RBPMS2: variants seen among roughly 807,000 people sequenced by gnomAD.
RBPMS2 encodes RNA-binding protein with multiple splicing 2.
RBPMS2 carries 14 observed loss-of-function variants against 25.7 expected under a neutral mutation model. The observed-to-expected ratio is 0.55, with a 90% CI of 0.36 to 0.85. The LOEUF is 0.85. RBPMS2 is among the 40% of genes least tolerant of loss of function. The pLI is 0.01. For missense variants in RBPMS2, 252 were observed against 283.4 expected (o/e 0.89, Z 0.80); for synonymous variants, 127 against 115.6 (o/e 1.10, Z -0.63).
chr15:64,768,493 C>T (rs954958697), intron 1 of RBPMS2, among the ~76,000 whole-genome samples: 1 of 151,988 alleles, frequency 6.6e-6, no homozygotes, highest in Non-Finnish European at 1.5e-5. Context: ...CAAAACTTAG[C>T]CAGGTGTGGT....
chr15:64,745,724 T>TAGA (rs2083612639), intron 6 of RBPMS2, among the ~76,000 whole-genome samples: 1 of 152,150 alleles, frequency 6.6e-6, no homozygotes, highest in Non-Finnish European at 1.5e-5. Flanking sequence ...TCAAGAGGGT[T>TAGA]AGAAGGCCAG....
chr15:64,770,344 T>C lies in RBPMS2; in HGVS notation c.87+4889A>G, dbSNP rs567899329. ...ACTTAATAGCTACATGAAAGTTATT[T>C]AACCTCTCTGTGCCTCACTTTCCTC... On this transcript the variant is annotated intron_variant, in intron 1 of 7. Transcript: ENST00000300069. 3.9e-5 allele frequency among the ~76,000 whole-genome samples: 6 copies of C among 152,332 alleles called. No individual in the cohort carries two copies. In the South Asian group the frequency reaches 1.0e-3, roughly 26 times the overall value.
rs962877154 is a variant in RBPMS2 at position 64,775,244 on chromosome 15, G to A, written c.76C>T (p.Leu26=). 1.9e-5 allele frequency: 25 copies of A among 1,308,794 alleles called. No homozygotes were observed. The highest frequency in any genetic ancestry group is 2.3e-5 in the Non-Finnish European group (24 of 1,024,820). The allele number at this position is 1,308,794 out of a possible 1,614,324, so 81.1% of individuals were successfully genotyped here. Residue 26 remains leucine (L), a synonymous_variant, in exon 1 of 8, where the codon CTG becomes TTG. Coordinates refer to ENST00000300069, the MANE Select transcript of RBPMS2 (RefSeq NM_194272.3). ...TGSGAGSGGA[L]EEEVRTLFVS... ...GGCCACAGACCCACCTCCTCCTCCA[G>A]GGCGCCGCCGGAGCCCGCGCCGGAG... is the stretch of plus-strand genomic sequence containing the variant.
chr15:64,750,461 C>T, intron 2 of RBPMS2, 80 bp from the exon 3 acceptor site: 1 of 1,217,660 alleles, frequency 8.2e-7, no homozygotes, highest in Non-Finnish European at 1.2e-6. Flanking sequence ...TCATCAGCCC[C>T]CGCGTTCCCC....
rs1345335228 is a variant in RBPMS2, at chr15:64,751,642, G to A, written c.88-4C>T. The A allele has an allele frequency of 2.5e-6, 4 of 1,613,584 alleles. No homozygotes were observed. The South Asian group carries it at 4.4e-5, about 18-fold the overall frequency. ...CGCTGACAAACAGTGTCCGGACCTG[G>A]AGACAGAGACCAGTGATCAGGGCCA... On this transcript the variant is annotated splice_polypyrimidine_tract_variant and splice_region_variant and intron_variant, in intron 1 of 7. Coordinates refer to ENST00000300069, the MANE Select transcript of RBPMS2 (RefSeq NM_194272.3).
intron 1 of RBPMS2, among the ~76,000 whole-genome samples, chr15:64,757,814 C>CG (rs1032870441): frequency 1.5e-4 from 23 of 151,474 alleles, no homozygotes; most frequent in Non-Finnish European, 1.5e-4. Context: ...GCCCTATCCC[C>CG]CCCCACAAAA....
chr15:64,756,841 C>T (rs144275901), intron 1 of RBPMS2, among the ~76,000 whole-genome samples: 6,828 of 148,350 alleles, frequency 0.046, 533 homozygotes, highest in African/African-American at 0.16. Context: ...GGTTTCACCA[C>T]GTTGGCCAGG....
intron 1 of RBPMS2, among the ~76,000 whole-genome samples, chr15:64,756,004 C>T (rs1046767469): frequency 3.3e-5 from 5 of 152,162 alleles, no homozygotes; most frequent in East Asian, 1.9e-4. Flanking sequence ...TAGGACCCCT[C>T]GCCTTATAGT....
intron 1 of RBPMS2, among the ~76,000 whole-genome samples, chr15:64,771,173 A>G (rs575833992): frequency 6.6e-6 from 1 of 152,382 alleles, no homozygotes; most frequent in South Asian, 2.1e-4. Context: ...AAATTACTTT[A>G]ACAATCTCCA....
intron 6 of RBPMS2, among the ~76,000 whole-genome samples, chr15:64,744,793 GTTTTGTTTTTTTTTTTTTT>G (rs2083600823): frequency 4.5e-4 from 26 of 57,814 alleles, no homozygotes; most frequent in African/African-American, 2.1e-3. Flanking sequence ...TTTTTGGTTT[GTTTTGTTTTTTTTTTTTTT>G]TTTTTTTTTT....
At chr15:64,758,343 C>T (rs962860935) in intron 1 of RBPMS2, among the ~76,000 whole-genome samples, 1 of 152,208 alleles carries the variant, frequency 6.6e-6, no homozygotes, top group African/African-American at 2.4e-5. Context: ...ATGCTGGGAG[C>T]ACAGTCAGGT....
chr15:64,770,348 C>T (rs532235681), intron 1 of RBPMS2, among the ~76,000 whole-genome samples: 53 of 152,298 alleles, frequency 3.5e-4, no homozygotes, highest in Non-Finnish European at 7.5e-4. Flanking sequence ...GTTATTTAAC[C>T]TCTCTGTGCC....
chr15:64,757,547 G>A (rs1054128672), intron 1 of RBPMS2, among the ~76,000 whole-genome samples: 3 of 152,162 alleles, frequency 2.0e-5, no homozygotes, highest in Admixed American at 6.6e-5. Context: ...AGACACCACA[G>A]AGATCAGCTA....
chr15:64,744,639 G>A (rs905480028), intron 6 of RBPMS2, among the ~76,000 whole-genome samples: 6 of 150,860 alleles, frequency 4.0e-5, no homozygotes, highest in Non-Finnish European at 4.4e-5. Flanking sequence ...TTGTTGTATA[G>A]CTATCAGTAA....
chr15:64,756,516 CA>C (rs771497391), intron 1 of RBPMS2, among the ~76,000 whole-genome samples: 2,221 of 121,854 alleles, frequency 0.018, 112 homozygotes, highest in Admixed American at 0.14. Flanking sequence ...GACCCTGTCT[CA>C]AAAAAAAAAA....
chr15:64,759,834 G>A (rs573474785), intron 1 of RBPMS2, among the ~76,000 whole-genome samples: 3 of 152,166 alleles, frequency 2.0e-5, no homozygotes, highest in South Asian at 2.1e-4. Flanking sequence ...CACCATGCCC[G>A]GCTAATTTTT....
chr15:64,743,167 G>A lies in RBPMS2; in HGVS notation c.568-1925C>T, dbSNP rs564420737. On this transcript the variant is annotated intron_variant, in intron 6 of 7. Coordinates refer to ENST00000300069, the MANE Select transcript of RBPMS2 (RefSeq NM_194272.3). The stretch of plus-strand genomic sequence containing the variant: ...AAATCCCGGACGGGCTGGGTGTCCC[G>A]CAGGGCCGGACAAGGGGAGAACATG... Among the ~76,000 whole-genome samples the A allele has an allele frequency of 5.3e-5, 8 of 152,344 alleles. No homozygotes were observed. In the East Asian group the frequency reaches 7.7e-4, roughly 15 times the overall value.
intron 1 of RBPMS2, among the ~76,000 whole-genome samples, chr15:64,767,157 T>C (rs1049221459): frequency 2.0e-5 from 3 of 151,706 alleles, no homozygotes; most frequent in Non-Finnish European, 4.4e-5. Context: ...TCAAGTGCAG[T>C]GGTGGGATAC....
chr15:64,764,613 G>T (rs530944205), intron 1 of RBPMS2, among the ~76,000 whole-genome samples: 3 of 152,160 alleles, frequency 2.0e-5, no homozygotes, highest in Admixed American at 2.0e-4. Context: ...ATATGGCCAC[G>T]ACTGTACAGC....
Sources: gnomAD v4.1 joint callset for allele counts (sites outside exome capture counted in the v4.1 genomes callset) on GRCh38, gnomAD v4.1.1 for gene constraint, MANE v1.5 for transcripts, NCBI Gene and HGNC (gene_info 2026-07-23, HGNC 2026-07-21) for gene names.